The following ZNF530 variants were observed in gnomAD, a reference collection of about 807,000 sequenced individuals.
ZNF530 encodes zinc finger protein 530.
In ZNF530, 5 loss-of-function variants were observed where a neutral mutation model predicts 2.8. The observed-to-expected ratio is 1.80, with a 90% CI of 0.94 to 3.78. The LOEUF (loss-of-function observed/expected upper bound fraction) is 3.78. ZNF530 is among the 30% of genes most tolerant of loss of function. The pLI is 0.00. For synonymous variants in ZNF530, 229 were observed against 235.0 expected, an observed-to-expected ratio of 0.97 and a Z score of 0.23; for missense variants, 619 against 673.3, an observed-to-expected ratio of 0.92 and a Z score of 0.89.
chr19:57,604,324 G>A lies in ZNF530; in HGVS notation c.-22G>A, dbSNP rs1453370731. ...ATGTGGCCATTTACTTCTCCCAGGAGGAGTGGGAGCTCCTTGATGAGATGC... is the reference window on the plus strand; with the variant it reads ...ATGTGGCCATTTACTTCTCCCAGGAAGAGTGGGAGCTCCTTGATGAGATGC... On this transcript the variant is annotated 5_prime_UTR_variant, in exon 3 of 4. Transcript: ENST00000597700. 1.2e-6 allele frequency: 2 copies of A among 1,614,050 alleles called. No individual in the cohort carries two copies. The highest frequency in any genetic ancestry group is 2.2e-5 in the South Asian group (2 of 91,090).
rs1225492559 is a variant in ZNF530, at chr19:57,605,755, A to G, written c.131A>G (p.Gln44Arg). The change falls in exon 4 of 4, where the codon CAG (glutamine) becomes CGG (arginine). Residue 44 changes from glutamine (Q) to arginine (R), a missense_variant. By Grantham distance (43) the Gln-to-Arg change is conservative. Coordinates refer to ENST00000597700, the MANE Select transcript of ZNF530 (RefSeq NM_001321981.2). ...AGCGTTTCTGTGGAAGAACTGTCAC[A>G]GGGCAGGACTCCAAAGGCAGATACA... ...AESVSVEELS[Q>R]GRTPKADTST... The G allele has an allele frequency of 6.2e-7, 1 of 1,614,072 alleles. No individual in the cohort carries two copies. Among genetic ancestry groups the G allele is most frequent in the African/African-American group, 1.3e-5 (1 of 74,936 alleles).
intron 2 of ZNF530, among the ~76,000 whole-genome samples, chr19:57,602,111 C>T (rs903619234): frequency 1.3e-5 from 2 of 152,072 alleles, no homozygotes; most frequent in Non-Finnish European, 1.5e-5. Flanking sequence ...TTGTTTCTCA[C>T]AGTTCTGCAG....
rs1425878536 is a variant in ZNF530 at position 57,606,645 on chromosome 19, A to G, written c.1021A>G (p.Thr341Ala). The G allele has an allele frequency of 6.2e-7, 1 of 1,614,072 alleles. No homozygotes were observed. The highest frequency in any genetic ancestry group is 2.2e-5 in the East Asian group (1 of 44,860). ...TNLFRHWRVHTGVRPYECSEC... is the reference protein window; with the variant it reads ...TNLFRHWRVHAGVRPYECSEC... ...CCTCTTTCGACACTGGAGAGTTCAC[A>G]CTGGAGTAAGGCCTTATGAGTGTAG... The change falls in exon 4 of 4, where the codon ACT becomes GCT. Residue 341 changes from threonine to alanine, a missense_variant. By Grantham distance (58) the Thr-to-Ala change is moderately conservative. Coordinates refer to ENST00000597700, the MANE Select transcript of ZNF530 (RefSeq NM_001321981.2).
intron 2 of ZNF530, among the ~76,000 whole-genome samples, chr19:57,602,964 C>A (rs577772035): frequency 7.9e-5 from 12 of 152,226 alleles, no homozygotes; most frequent in Non-Finnish European, 1.3e-4. Flanking sequence ...GATCTCAGCT[C>A]CCTACAGCCT....
chr19:57,602,427 G>A (rs2123455694), intron 2 of ZNF530, among the ~76,000 whole-genome samples: 1 of 152,242 alleles, frequency 6.6e-6, no homozygotes, highest in East Asian at 1.9e-4. Context: ...GGGTGGGCGT[G>A]GGGCAGAAAC....
intron 3 of ZNF530, 29 bp downstream of exon 3, chr19:57,604,435 C>T: frequency 6.2e-7 from 1 of 1,602,810 alleles, no homozygotes; most frequent in Non-Finnish European, 8.5e-7. Flanking sequence ...TCCCAGTTTC[C>T]TTTGTGGGTC....
chr19:57,603,520 C>T (rs185898817), intron 2 of ZNF530, among the ~76,000 whole-genome samples: 14 of 152,350 alleles, frequency 9.2e-5, no homozygotes, highest in Middle Eastern at 3.4e-3. Context: ...GGGAGCATCA[C>T]TTAACCTTGG....
At position 57,604,366 on chromosome 19, in the gene ZNF530, C is replaced by T. The variant is rs142894116; in HGVS notation, c.21C>T (p.Arg7=). 1.1e-5 allele frequency: 17 copies of T among 1,613,890 alleles called. No homozygotes were observed. The highest frequency in any genetic ancestry group is 1.0e-4 in the Admixed American group (6 of 60,006). The change falls in exon 3 of 4, where the codon CGC becomes CGT. Residue 7 remains arginine, a synonymous_variant. Coordinates refer to ENST00000597700, the MANE Select transcript of ZNF530 (RefSeq NM_001321981.2). ...ATGAGATGCAGAGGCTCCTGTACCGCGATGTGATGCTGGAGAACTTTGCAG... is the reference window on the plus strand; with the variant it reads ...ATGAGATGCAGAGGCTCCTGTACCGTGATGTGATGCTGGAGAACTTTGCAG... MQRLLY[R]DVMLENFAVM... is the part of the protein sequence containing the mutation.
In ZNF530 at chr19:57,606,975, G is replaced by T. The variant is rs1568625447; in HGVS notation, c.1351G>T (p.Val451Phe). 1 of 1,614,032 alleles carries T rather than the reference G, an allele frequency of 6.2e-7. No individual in the cohort carries two copies. Residue 451 changes from valine to phenylalanine, a missense_variant, in exon 4 of 4, where the codon GTT becomes TTT. Transcript: ENST00000597700. The part of the protein sequence containing the change: ...CKTDLIRHQT[V>F]HTGERPYECS... ...AACTGACCTCATTCGACACCAGACA[G>T]TTCACACTGGAGAAAGGCCTTATGA...
chr19:57,600,020 T>A lies in ZNF530; in HGVS notation c.-236T>A. On this transcript the variant is annotated 5_prime_UTR_variant, in exon 1 of 4. Transcript: ENST00000597700. ...TTTTCTCAGCTGCACAGCCGGGGCC[T>A]GACGGTCGCCGGCGGTGGTGACAGC... 7.1e-7 allele frequency: 1 copy of A among 1,414,724 alleles called. No individual in the cohort carries two copies. The highest frequency in any genetic ancestry group is 2.6e-5 in the East Asian group (1 of 38,460). 87.6% of individuals were successfully genotyped at this position (1,414,724 alleles called of 1,614,324 possible). A position where few individuals can be genotyped will look rare whatever the true frequency, so the allele number is the denominator to read the frequency against.
Position 57,605,883 on chromosome 19 carries a change from T to G in ZNF530, c.259T>G (p.Leu87Val), listed in dbSNP as rs1175130798. ...CTCACCCTGTGGACAGAAATTGTAC[T>G]TGGGTGGAGCATCAAGAGATTTCTG... Reference protein sequence around the residue: ...HASPCGQKLYLGGASRDFWMS... With the variant: ...HASPCGQKLYVGGASRDFWMS... Residue 87 changes from leucine to valine, a missense_variant, in exon 4 of 4, where the codon TTG (leucine) becomes GTG (valine). Physicochemically the swap from Leu to Val is conservative, Grantham distance 32. Transcript: ENST00000597700. 6 of 1,614,174 alleles carry G rather than the reference T, an allele frequency of 3.7e-6. No homozygotes were observed. Among genetic ancestry groups the G allele is most frequent in the Non-Finnish European group, 5.1e-6 (6 of 1,180,022 alleles).
chr19:57,610,574 C>T (rs986403654), downstream of ZNF530, among the ~76,000 whole-genome samples: 2 of 152,246 alleles, frequency 1.3e-5, no homozygotes, highest in Admixed American at 1.3e-4. Flanking sequence ...AACTTGACAG[C>T]CTGCAGTGTT....
chr19:57,611,032 G>C (rs938540372), downstream of ZNF530, among the ~76,000 whole-genome samples: 1 of 152,122 alleles, frequency 6.6e-6, no homozygotes, highest in African/African-American at 2.4e-5. Context: ...TCTAAAAATA[G>C]TAAACAACTA....
chr19:57,607,234 C>A lies in ZNF530; in HGVS notation c.1610C>A (p.Thr537Asn). Residue 537 changes from threonine (T) to asparagine (N), a missense_variant, in exon 4 of 4, where the codon ACT becomes AAT. Coordinates refer to ENST00000597700, the MANE Select transcript of ZNF530 (RefSeq NM_001321981.2). ...CTCATTCAACACAAGACAGTTCACA[C>A]TGGAGAAAGGCCTTATGAATGCAGT... is the stretch of plus-strand genomic sequence containing the variant. ...NHLIQHKTVH[T>N]GERPYECSEC... is the part of the protein sequence containing the mutation. The A allele has an allele frequency of 6.2e-7, 1 of 1,614,182 alleles. No individual in the cohort carries two copies. The highest frequency in any genetic ancestry group is 1.3e-5 in the African/African-American group (1 of 75,022).
At position 57,600,057 on chromosome 19, in the gene ZNF530, C is replaced by T. The variant is rs769191927; in HGVS notation, c.-199C>T. 41 of 1,506,156 alleles carry T rather than the reference C, an allele frequency of 2.7e-5. No individual in the cohort carries two copies. Among genetic ancestry groups the T allele is most frequent in the Admixed American group, 2.7e-4 (13 of 48,926 alleles). 93.3% of individuals were successfully genotyped at this position (1,506,156 alleles called of 1,614,324 possible). A position where few individuals can be genotyped will look rare whatever the true frequency, so the allele number is the denominator to read the frequency against. Reference sequence around the variant, plus strand: ...GCGGTGGTGACAGCTTTGCTCTTGTCTCCGCCCGGATCGTCCACCGCTCCC... The same window carrying T: ...GCGGTGGTGACAGCTTTGCTCTTGTTTCCGCCCGGATCGTCCACCGCTCCC... On this transcript the variant is annotated 5_prime_UTR_variant, in exon 1 of 4. Transcript: ENST00000597700.
At chr19:57,610,641 ACTGTTCCTCAGGAAACAGGGAGGAACAG>A (rs1316171499), downstream of ZNF530, among the ~76,000 whole-genome samples, 4 of 152,204 alleles carry the variant, frequency 2.6e-5, no homozygotes, top group East Asian at 5.8e-4. Context: ...GTTCCCCAAC[ACTGTTCCTCAGGAAACAGGGAGGAACAG>A]CTGTTCCTCA....
At chr19:57,612,097 G>T (rs1297172234), downstream of ZNF530, among the ~76,000 whole-genome samples, 1 of 152,162 alleles carries the variant, frequency 6.6e-6, no homozygotes, top group Non-Finnish European at 1.5e-5. Flanking sequence ...GGGAAATTCT[G>T]AGTAACATTA....
Position 57,605,927 on chromosome 19 carries a change from C to T in ZNF530, c.303C>T (p.His101=), listed in dbSNP as rs1980492994. The T allele has an allele frequency of 6.2e-7, 1 of 1,614,230 alleles. No homozygotes were observed. Among genetic ancestry groups the T allele is most frequent in the Admixed American group, 1.7e-5 (1 of 60,034 alleles). The change falls in exon 4 of 4, where the codon CAC becomes CAT. Residue 101 remains histidine, a synonymous_variant. Coordinates refer to ENST00000597700, the MANE Select transcript of ZNF530 (RefSeq NM_001321981.2). The part of the protein sequence containing the change: ...SRDFWMSSNL[H]QLQKLDNGEK... ...ATTTCTGGATGAGTTCAAACCTTCACCAGCTCCAGAAGCTTGATAATGGAG... is the reference window on the plus strand; with the variant it reads ...ATTTCTGGATGAGTTCAAACCTTCATCAGCTCCAGAAGCTTGATAATGGAG...
At position 57,607,357 on chromosome 19, in the gene ZNF530, T is replaced by C. The variant is rs779200297; in HGVS notation, c.*32T>C. 1 of 1,556,296 alleles carries C rather than the reference T, an allele frequency of 6.4e-7. No individual in the cohort carries two copies. Among genetic ancestry groups the C allele is most frequent in the Non-Finnish European group, 8.6e-7 (1 of 1,156,788 alleles). On this transcript the variant is annotated 3_prime_UTR_variant, in exon 4 of 4. Coordinates refer to ENST00000597700, the MANE Select transcript of ZNF530 (RefSeq NM_001321981.2). ...GAAATTATTTTGTCACTTTTTTTTTTTTTTTTGAGATGGAATTTTGCTCGT... is the reference window on the plus strand; with the variant it reads ...GAAATTATTTTGTCACTTTTTTTTTCTTTTTTGAGATGGAATTTTGCTCGT...
Sources: allele counts gnomAD v4.1 joint callset (sites outside exome capture counted in the v4.1 genomes callset), GRCh38; gene constraint gnomAD v4.1.1; transcripts MANE v1.5; gene names NCBI Gene and HGNC (gene_info 2026-07-23, HGNC 2026-07-21).